Variants in TNIK observed in about 807,000 individuals in gnomAD.
The protein encoded by TNIK is TRAF2 and NCK interacting kinase, also known as TRAF2 and NCK-interacting protein kinase.
In TNIK, 49 loss-of-function variants were observed where a neutral mutation model predicts 191.3. That is an observed-to-expected ratio of 0.26 (90% confidence interval 0.20 to 0.32). The LOEUF is 0.32. Ranked by LOEUF, TNIK falls within the 10% of genes least tolerant of loss-of-function variation. The pLI, the probability that TNIK is intolerant of heterozygous loss-of-function variation, is 1.00. For synonymous variants in TNIK, 594 were observed against 600.9 expected (o/e 0.99, Z 0.17); for missense variants, 1,155 against 1,702.3 (o/e 0.68, Z 5.66).
chr3:171,330,300 C>T (rs1756268037), intron 2 of TNIK, among the ~76,000 whole-genome samples: 1 of 152,170 alleles, frequency 6.6e-6, no homozygotes, highest in South Asian at 2.1e-4. Flanking sequence ...TTTGGAATAC[C>T]TTTGTAAAGG....
intron 13 of TNIK, 107 bp from the exon 14 acceptor site, chr3:171,139,663 AGGGG>A: frequency 3.1e-5 from 33 of 1,077,718 alleles, no homozygotes; most frequent in East Asian, 4.8e-5. Context: ...AGAAGGAAGG[AGGGG>A]AAAAATACCC....
chr3:171,141,039 C>T (rs1437654026), intron 12 of TNIK, among the ~76,000 whole-genome samples: 1 of 152,202 alleles, frequency 6.6e-6, no homozygotes, highest in Non-Finnish European at 1.5e-5. Flanking sequence ...TCTCATATAT[C>T]ATGCTGCCTG....
chr3:171,316,858 AG>A (rs1754653005), intron 2 of TNIK, among the ~76,000 whole-genome samples: 1 of 150,994 alleles, frequency 6.6e-6, no homozygotes, highest in African/African-American at 2.4e-5. Context: ...GATTTGCCTA[AG>A]GAACTAAGAA....
At chr3:171,226,366 A>G (rs1175373883) in intron 3 of TNIK, among the ~76,000 whole-genome samples, 1 of 152,132 alleles carries the variant, frequency 6.6e-6, no homozygotes, top group Non-Finnish European at 1.5e-5. Context: ...AATCCAATAA[A>G]TATTTTGAAC....
At position 171,131,206 on chromosome 3, in the gene TNIK, C is replaced by T. The variant is rs184161659; in HGVS notation, c.1609-2328G>A. On this transcript the variant is annotated intron_variant, in intron 15 of 32. Coordinates refer to ENST00000436636, the MANE Select transcript of TNIK (RefSeq NM_015028.4). ...ACAAAAAATTAGCCGGGCGTGGTAG[C>T]GGGCGCCGGTAGTCCCAGCTACTCG... 9.6e-4 allele frequency among the ~76,000 whole-genome samples: 145 copies of T among 151,024 alleles called. 1 individual carries two copies. The East Asian group carries it at 0.011, about 12-fold the overall frequency.
intron 2 of TNIK, among the ~76,000 whole-genome samples, chr3:171,266,679 T>C (rs771991808): frequency 6.6e-6 from 1 of 152,182 alleles, no homozygotes; most frequent in Admixed American, 6.5e-5. Context: ...TTTGCAGGAA[T>C]AGAGTACATT....
intron 2 of TNIK, among the ~76,000 whole-genome samples, chr3:171,272,137 TGG>T: frequency 6.6e-6 from 1 of 152,230 alleles, no homozygotes; most frequent in Non-Finnish European, 1.5e-5. Context: ...CTTCCTCTGC[TGG>T]TTCCTGGCCA....
At chr3:171,114,159 A>G (rs973806144) in intron 18 of TNIK, among the ~76,000 whole-genome samples, 9 of 152,182 alleles carry the variant, frequency 5.9e-5, no homozygotes, top group Non-Finnish European at 1.3e-4. Context: ...GCTCAAATCT[A>G]TCGCCTTCCA....
At chr3:171,129,724 T>C (rs1728989636) in intron 15 of TNIK, among the ~76,000 whole-genome samples, 1 of 152,224 alleles carries the variant, frequency 6.6e-6, no homozygotes, top group East Asian at 1.9e-4. Context: ...CCCAAGGGCT[T>C]CACGGGAAAT....
chr3:171,282,295 C>G (rs904898357), intron 2 of TNIK, among the ~76,000 whole-genome samples: 1 of 150,312 alleles, frequency 6.7e-6, no homozygotes, highest in Non-Finnish European at 1.5e-5. Flanking sequence ...TTTTAACCAA[C>G]ATTTCTGCCA....
intron 2 of TNIK, among the ~76,000 whole-genome samples, chr3:171,317,449 A>G (rs754998777): frequency 6.6e-6 from 1 of 152,152 alleles, no homozygotes; most frequent in African/African-American, 2.4e-5. Context: ...GACATGTACT[A>G]TGGTCTTGGT....
chr3:171,116,249 T>C (rs369890068), intron 18 of TNIK, among the ~76,000 whole-genome samples: 20 of 152,352 alleles, frequency 1.3e-4, no homozygotes, highest in East Asian at 7.7e-4. Flanking sequence ...CTGAGATGAA[T>C]GCTCTTAAGA....
Position 171,444,071 on chromosome 3 carries a change from A to G in TNIK, c.57+15936T>C, listed in dbSNP as rs112149385. Among the ~76,000 whole-genome samples the G allele has an allele frequency of 1.7e-3, 252 of 152,318 alleles. 1 individual carries two copies. Among genetic ancestry groups the G allele is most frequent in the African/African-American group, 5.8e-3 (241 of 41,570 alleles). ...ATTTTTAAAAGCATTTTCCCCAGCA[A>G]TGAGTATAAAATTTTCATGCACGCT... On this transcript the variant is annotated intron_variant, in intron 1 of 32. Transcript: ENST00000436636.
At chr3:171,401,620 G>A (rs1007926545) in intron 1 of TNIK, among the ~76,000 whole-genome samples, 7 of 152,084 alleles carry the variant, frequency 4.6e-5, no homozygotes, top group African/African-American at 9.7e-5. Context: ...GTGGGGGCAG[G>A]AGGAGGGGCA....
chr3:171,067,774 G>A (rs1429175462), intron 30 of TNIK, among the ~76,000 whole-genome samples: 1 of 152,116 alleles, frequency 6.6e-6, no homozygotes, highest in Non-Finnish European at 1.5e-5. Context: ...AGAATGCCAT[G>A]GCAGCCCAAC....
intron 1 of TNIK, among the ~76,000 whole-genome samples, chr3:171,440,564 T>C (rs1285292241): frequency 6.6e-6 from 1 of 152,040 alleles, no homozygotes; most frequent in Non-Finnish European, 1.5e-5. Flanking sequence ...TGTAGAAAAA[T>C]AGGGAATGGT....
chr3:171,398,455 A>G (rs1375620996), intron 1 of TNIK, among the ~76,000 whole-genome samples: 1 of 152,244 alleles, frequency 6.6e-6, no homozygotes, highest in Admixed American at 6.5e-5. Flanking sequence ...GTACCTGCAC[A>G]GTAGTGTTTC....
chr3:171,268,811 G>A (rs1321162967), intron 2 of TNIK, among the ~76,000 whole-genome samples: 1 of 152,178 alleles, frequency 6.6e-6, no homozygotes, highest in Non-Finnish European at 1.5e-5. Context: ...AATTGGAAGA[G>A]GGACAAAATA....
chr3:171,145,392 A>G (rs1274500982), intron 12 of TNIK, among the ~76,000 whole-genome samples: 1 of 151,990 alleles, frequency 6.6e-6, no homozygotes, highest in East Asian at 1.9e-4. Context: ...GGCCACAGCT[A>G]TCTCTTGAAC....
Sources: gnomAD v4.1 joint callset for allele counts (sites outside exome capture counted in the v4.1 genomes callset) on GRCh38, gnomAD v4.1.1 for gene constraint, MANE v1.5 for transcripts, NCBI Gene and HGNC (gene_info 2026-07-23, HGNC 2026-07-21) for gene names.